PPARGC1A: variants seen among roughly 807,000 people sequenced by gnomAD.
PPARGC1A encodes PPARG coactivator 1 alpha, also known as peroxisome proliferator-activated receptor gamma coactivator 1-alpha.
In PPARGC1A, 25 loss-of-function variants were observed where a neutral mutation model predicts 88.7. The observed-to-expected ratio is 0.28, with a 90% CI of 0.21 to 0.39. The LOEUF is 0.39. Among genes scored for constraint, PPARGC1A ranks in the 10% least tolerant of loss-of-function variants. PPARGC1A has a pLI of 1.00. For synonymous variants in PPARGC1A, 363 were observed against 355.6 expected (o/e 1.02, Z -0.24); for missense variants, 880 against 968.7 (o/e 0.91, Z 1.22).
chr4:24,184,093 T>C, the PPARGC1A span, among the ~76,000 whole-genome samples: 1 of 152,224 alleles, frequency 6.6e-6, no homozygotes, highest in African/African-American at 2.4e-5. Flanking sequence ...GTAAAAGAAC[T>C]GCTAAGCTAC....
chr4:24,469,464 C>T, the PPARGC1A span, among the ~76,000 whole-genome samples: 4 of 152,322 alleles, frequency 2.6e-5, no homozygotes, highest in East Asian at 5.8e-4. Context: ...GACGCACCTT[C>T]CCCTAATGAT....
At chr4:23,914,823 C>T in the PPARGC1A span, among the ~76,000 whole-genome samples, 1 of 152,298 alleles carries the variant, frequency 6.6e-6, no homozygotes, top group East Asian at 1.9e-4. Context: ...AGCATTGTTT[C>T]TCAAGATCTA....
the PPARGC1A span, among the ~76,000 whole-genome samples, chr4:24,270,306 CCTCTCTCT>C: frequency 1.1e-3 from 159 of 147,534 alleles, no homozygotes; most frequent in African/African-American, 2.8e-3. Flanking sequence ...AATAAATCAA[CCTCTCTCT>C]CTCTCTCTCT....
At chr4:23,805,751 C>T (rs1295746840) in intron 10 of PPARGC1A, among the ~76,000 whole-genome samples, 1 of 151,836 alleles carries the variant, frequency 6.6e-6, no homozygotes. Flanking sequence ...TTTTAATGAG[C>T]CTTTTAGAAA....
At chr4:24,228,044 C>A in the PPARGC1A span, among the ~76,000 whole-genome samples, 1 of 152,122 alleles carries the variant, frequency 6.6e-6, no homozygotes, top group African/African-American at 2.4e-5. Context: ...CAGCTCAGCT[C>A]AGCTCCATCC....
the PPARGC1A span, among the ~76,000 whole-genome samples, chr4:24,020,177 C>A: frequency 1.3e-5 from 2 of 152,138 alleles, no homozygotes; most frequent in African/African-American, 4.8e-5. Flanking sequence ...AGTCTACCAC[C>A]CAAAAGCTGA....
chr4:23,916,131 C>T, the PPARGC1A span, among the ~76,000 whole-genome samples: 4 of 152,204 alleles, frequency 2.6e-5, no homozygotes, highest in South Asian at 6.2e-4. Context: ...GTAAGTAAAT[C>T]AACTATATAA....
At chr4:24,122,417 AT>A in the PPARGC1A span, among the ~76,000 whole-genome samples, 1 of 82,810 alleles carries the variant, frequency 1.2e-5, no homozygotes. Flanking sequence ...GTGTGTGTGC[AT>A]ATATATATAT....
chr4:24,461,400 T>C, the PPARGC1A span, among the ~76,000 whole-genome samples: 3 of 152,214 alleles, frequency 2.0e-5, no homozygotes, highest in Non-Finnish European at 2.9e-5. Context: ...CACATTATTT[T>C]TCCTTCTTGG....
the PPARGC1A span, among the ~76,000 whole-genome samples, chr4:23,988,906 A>G: frequency 2.7e-5 from 4 of 147,484 alleles, no homozygotes; most frequent in African/African-American, 4.9e-5. Flanking sequence ...ATATAAATAG[A>G]TATTATTATA....
chr4:24,280,843 T>C, the PPARGC1A span, among the ~76,000 whole-genome samples: 1 of 152,222 alleles, frequency 6.6e-6, no homozygotes, highest in Non-Finnish European at 1.5e-5. Flanking sequence ...TGGGACACAT[T>C]TCTCAACAGC....
chr4:24,056,042 T>C, the PPARGC1A span, among the ~76,000 whole-genome samples: 1 of 152,180 alleles, frequency 6.6e-6, no homozygotes, highest in Non-Finnish European at 1.5e-5. Flanking sequence ...ATAAAAAAGG[T>C]ATTTTTATTC....
At chr4:24,174,896 A>G in the PPARGC1A span, among the ~76,000 whole-genome samples, 1 of 152,234 alleles carries the variant, frequency 6.6e-6, no homozygotes, top group Admixed American at 6.5e-5. Context: ...CTGGCTGGAA[A>G]TGGTGCCCTG....
the PPARGC1A span, among the ~76,000 whole-genome samples, chr4:24,253,349 G>T: frequency 1.3e-5 from 2 of 152,176 alleles, no homozygotes; most frequent in African/African-American, 4.8e-5. Context: ...CTAGAGGCAA[G>T]GGAATGAGAA....
the PPARGC1A span, among the ~76,000 whole-genome samples, chr4:24,154,683 T>A: frequency 2.0e-5 from 3 of 152,200 alleles, no homozygotes; most frequent in Admixed American, 2.0e-4. Flanking sequence ...CTTGAATGAA[T>A]TAGTAAATGA....
chr4:24,052,920 G>T, the PPARGC1A span, among the ~76,000 whole-genome samples: 2 of 122,278 alleles, frequency 1.6e-5, no homozygotes, highest in African/African-American at 3.1e-5. Context: ...CTGAAGTGCA[G>T]TGGTGCTATC....
the PPARGC1A span, among the ~76,000 whole-genome samples, chr4:24,067,613 G>C: frequency 6.6e-6 from 1 of 152,212 alleles, no homozygotes; most frequent in Non-Finnish European, 1.5e-5. Flanking sequence ...CGGAGGCACA[G>C]GTTTAGCTAG....
At chr4:24,078,367 G>C in the PPARGC1A span, among the ~76,000 whole-genome samples, 2 of 152,048 alleles carry the variant, frequency 1.3e-5, no homozygotes, top group Admixed American at 6.6e-5. Context: ...GCAAGTTGTT[G>C]GCACTTTGAA....
At chr4:23,954,755 T>C in the PPARGC1A span, among the ~76,000 whole-genome samples, 13 of 152,160 alleles carry the variant, frequency 8.5e-5, no homozygotes, top group East Asian at 2.3e-3. Context: ...TTAATAATTA[T>C]AACTTGCTGG....
Sources: gnomAD v4.1 joint callset for allele counts (sites outside exome capture counted in the v4.1 genomes callset) on GRCh38, gnomAD v4.1.1 for gene constraint, MANE v1.5 for transcripts, NCBI Gene and HGNC (gene_info 2026-07-23, HGNC 2026-07-21) for gene names.